IFT43: variants seen among roughly 807,000 people sequenced by gnomAD.
IFT43 encodes the protein intraflagellar transport protein 43 homolog.
In IFT43, 33 loss-of-function variants were observed where a neutral mutation model predicts 32.3. The observed-to-expected ratio is 1.02, with a 90% confidence interval of 0.77 to 1.37. IFT43 has a LOEUF of 1.37. Among genes scored for constraint, IFT43 ranks in the 40% most tolerant of loss-of-function variants. The pLI is 0.00. For synonymous variants in IFT43, 93 were observed against 98.2 expected (o/e 0.95, Z 0.31); for missense variants, 274 against 265.9 (o/e 1.03, Z -0.21).
At chr14:76,039,864 A>G (rs867698608) in intron 3 of IFT43, among the ~76,000 whole-genome samples, 2 of 152,188 alleles carry the variant, frequency 1.3e-5, no homozygotes, top group Non-Finnish European at 2.9e-5. Context: ...ACCTACAGAC[A>G]CAAATGGGAA....
chr14:75,993,561 A>T lies in IFT43; in HGVS notation c.147+4584A>T, dbSNP rs145631469. On this transcript the variant is annotated intron_variant, in intron 2 of 8. Coordinates refer to ENST00000314067, the MANE Select transcript of IFT43 (RefSeq NM_001102564.3). ...ATTTTTCAAGTGGCCTCCTCTATCT[A>T]TCAGTATTGAATCTGGTTGCCTACA... 5.9e-5 allele frequency among the ~76,000 whole-genome samples: 9 copies of T among 152,358 alleles called. No homozygotes were observed. In the East Asian group the frequency reaches 1.7e-3, roughly 29 times the overall value.
chr14:75,991,388 A>AATGT (rs2035637964), intron 2 of IFT43, among the ~76,000 whole-genome samples: 1 of 141,988 alleles, frequency 7.0e-6, no homozygotes, highest in Non-Finnish European at 1.5e-5. Context: ...TATTAACAAG[A>AATGT]GTGTGTGTGT....
In IFT43 at chr14:75,998,515, A is replaced by G. The variant is rs566686592; in HGVS notation, c.147+9538A>G. 3.9e-5 allele frequency among the ~76,000 whole-genome samples: 6 copies of G among 152,358 alleles called. No individual in the cohort carries two copies. In the South Asian group the frequency reaches 1.2e-3, roughly 32 times the overall value. ...TGTTTAGGAAACACATAGCCAAAAA[A>G]TAGCTTGCCAAAAGAAATTGAGGAG... On this transcript the variant is annotated intron_variant, in intron 2 of 8. Transcript: ENST00000314067.
At chr14:76,034,627 C>T (rs949292338) in intron 3 of IFT43, among the ~76,000 whole-genome samples, 3 of 152,310 alleles carry the variant, frequency 2.0e-5, no homozygotes, top group East Asian at 1.9e-4. Context: ...GAGCTCATAG[C>T]TAAGGAATAT....
intron 5 of IFT43, among the ~76,000 whole-genome samples, chr14:76,060,195 G>A (rs2140055219): frequency 6.6e-6 from 1 of 152,114 alleles, no homozygotes; most frequent in Non-Finnish European, 1.5e-5. Flanking sequence ...TTACGTAGGG[G>A]ATCCAAATTA....
intron 1 of IFT43, 172 bp downstream of exon 1, chr14:75,986,012 G>C: frequency 1.3e-6 from 2 of 1,525,408 alleles, no homozygotes; most frequent in Non-Finnish European, 1.8e-6. Flanking sequence ...TGTGGGCTCC[G>C]CCGCTGCTGG....
At chr14:76,017,318 T>TA (rs1376600421) in intron 2 of IFT43, among the ~76,000 whole-genome samples, 1 of 152,234 alleles carries the variant, frequency 6.6e-6, no homozygotes, top group Non-Finnish European at 1.5e-5. Context: ...ATGTGGTTTT[T>TA]ATCCCTCATT....
intron 3 of IFT43, among the ~76,000 whole-genome samples, chr14:76,038,899 TC>T (rs2036654919): frequency 6.6e-6 from 1 of 152,152 alleles, no homozygotes; most frequent in South Asian, 2.1e-4. Context: ...TGGAGCCTGT[TC>T]CCTGTTAAAC....
At chr14:76,007,098 ATCC>A (rs2035994244) in intron 2 of IFT43, among the ~76,000 whole-genome samples, 1 of 152,114 alleles carries the variant, frequency 6.6e-6, no homozygotes, top group Admixed American at 6.6e-5. Context: ...AGCTCAAGCA[ATCC>A]TCCTGCTCTG....
At chr14:76,014,769 G>A (rs1169821494) in intron 2 of IFT43, among the ~76,000 whole-genome samples, 1 of 152,110 alleles carries the variant, frequency 6.6e-6, no homozygotes, top group Non-Finnish European at 1.5e-5. Context: ...TAATGCCCCA[G>A]TGAAAACCAC....
chr14:75,999,262 TATATATATATGTA>T (rs1566699512), intron 2 of IFT43, among the ~76,000 whole-genome samples: 24 of 25,264 alleles, frequency 9.5e-4, no homozygotes, highest in African/African-American at 1.9e-3. Context: ...TATATATATA[TATATATATATGTA>T]TATATATTTT....
At chr14:76,071,913 C>A (rs540349301) in intron 5 of IFT43, among the ~76,000 whole-genome samples, 2 of 152,000 alleles carry the variant, frequency 1.3e-5, no homozygotes, top group African/African-American at 4.8e-5. Context: ...GTCTCCTAAC[C>A]CCCCCTGCTC....
rs1322206970 is a variant in IFT43 at position 76,064,749 on chromosome 14, G to A, written c.295+5376G>A. On this transcript the variant is annotated intron_variant, in intron 5 of 8. Transcript: ENST00000314067. ...TTTAAGTAAGAAAGCATTAAACTCA[G>A]GAAAAAGGATTTTAGAGTTCTTTGG... is the stretch of plus-strand genomic sequence containing the variant. Among the ~76,000 whole-genome samples, 3 of 152,126 alleles carry A rather than the reference G, an allele frequency of 2.0e-5. No homozygotes were observed. The East Asian group carries it at 5.8e-4, about 29-fold the overall frequency.
intron 3 of IFT43, among the ~76,000 whole-genome samples, chr14:76,032,171 T>A (rs772321009): frequency 8.5e-5 from 13 of 152,162 alleles, no homozygotes; most frequent in Non-Finnish European, 1.8e-4. Context: ...TGGCCTCCTC[T>A]CTTTATATCA....
intron 3 of IFT43, among the ~76,000 whole-genome samples, chr14:76,047,737 T>C (rs1358728250): frequency 6.6e-6 from 1 of 151,618 alleles, no homozygotes; most frequent in East Asian, 1.9e-4. Flanking sequence ...TCCCTCCTTT[T>C]TTTTTTTTTT....
chr14:76,045,517 A>C (rs1484383442), intron 3 of IFT43, among the ~76,000 whole-genome samples: 1 of 152,232 alleles, frequency 6.6e-6, no homozygotes, highest in Non-Finnish European at 1.5e-5. Context: ...GCTTAAACAG[A>C]AAGGAGTTTG....
intron 1 of IFT43, chr14:75,986,075 CG>C (rs1566691003): frequency 6.7e-7 from 1 of 1,485,804 alleles, no homozygotes; most frequent in African/African-American, 1.4e-5. Context: ...ACCCTGTCCC[CG>C]CCGGCGTCTA....
intron 3 of IFT43, among the ~76,000 whole-genome samples, chr14:76,040,897 T>C (rs1374463563): frequency 3.3e-5 from 5 of 152,166 alleles, no homozygotes; most frequent in Admixed American, 2.6e-4. Flanking sequence ...TGCCTGTGCA[T>C]GTGTGCCAGG....
intron 7 of IFT43, 110 bp from the exon 8 acceptor site, chr14:76,083,117 C>A: frequency 9.0e-7 from 1 of 1,108,020 alleles, no homozygotes; most frequent in Non-Finnish European, 1.4e-6. Context: ...TCCTGCAGGT[C>A]TCAGTTTGGG....
Sources: allele counts gnomAD v4.1 joint callset (sites outside exome capture counted in the v4.1 genomes callset), GRCh38; gene constraint gnomAD v4.1.1; transcripts MANE v1.5; gene names NCBI Gene and HGNC (gene_info 2026-07-23, HGNC 2026-07-21).